Variants in WDR33 observed in about 807,000 individuals in gnomAD.
WDR33 encodes pre-mRNA 3' end processing protein WDR33.
Under a neutral mutation model 164.9 loss-of-function variants are expected in WDR33, and 47 were observed. That is an observed-to-expected ratio of 0.29 (90% CI 0.23 to 0.36). The LOEUF (loss-of-function observed/expected upper bound fraction) is 0.36. WDR33 is among the 10% of genes least tolerant of loss of function. The pLI is 1.00. For missense variants in WDR33, 1,137 were observed against 1,754.1 expected (o/e 0.65, Z 6.28); for synonymous variants, 505 against 589.0 (o/e 0.86, Z 2.06).
At chr2:127,767,646 C>T (rs943088104) in intron 4 of WDR33, among the ~76,000 whole-genome samples, 20 of 152,108 alleles carry the variant, frequency 1.3e-4, no homozygotes, top group Middle Eastern at 3.4e-3. Flanking sequence ...ACCCGGGGGG[C>T]GGAGCTTGCA....
At chr2:127,737,846 A>G in intron 7 of WDR33, 1 of 1,376,610 alleles carries the variant, frequency 7.3e-7, no homozygotes, top group African/African-American at 1.5e-5. Flanking sequence ...TAGAAACATA[A>G]AAGCAACAAA....
chr2:127,713,825 G>C lies in WDR33; in HGVS notation c.3066C>G (p.Asp1022Glu). Reference sequence around the variant, plus strand: ...CACGTAACCGGTGGCCAAAGCGCTTGTCAGGGTGGAAGTCATCTGGTCTGC... The same window carrying C: ...CACGTAACCGGTGGCCAAAGCGCTTCTCAGGGTGGAAGTCATCTGGTCTGC... Reference protein sequence around the residue: ...DFSRPDDFHPDKRFGHRLREF... With the variant: ...DFSRPDDFHPEKRFGHRLREF... Residue 1022 changes from aspartate to glutamate, a missense_variant, in exon 18 of 22, where the codon GAC becomes GAG. By Grantham distance (45) the Asp-to-Glu change is conservative. Around this residue, in one of 9 missense-constraint regions of WDR33, gnomAD observed 867 missense variants for 1,073.0 expected, o/e 0.81. Coordinates refer to ENST00000322313, the MANE Select transcript of WDR33 (RefSeq NM_018383.5). This position sits in a 1 kb window ranked among gnomAD's most constrained non-coding sequence, Gnocchi z 6.2. 6.2e-7 allele frequency: 1 copy of C among 1,614,252 alleles called. No homozygotes were observed. The highest frequency in any genetic ancestry group is 8.5e-7 in the Non-Finnish European group (1 of 1,180,038).
chr2:127,755,291 T>C (rs1210421800), intron 7 of WDR33, among the ~76,000 whole-genome samples: 2 of 152,192 alleles, frequency 1.3e-5, no homozygotes, highest in Non-Finnish European at 2.9e-5. Context: ...TACATTAATA[T>C]AAACTGTTAA....
rs777703786 is a variant in WDR33, at chr2:127,709,470, C to G, written c.3565+20G>C. 6.2e-7 allele frequency: 1 copy of G among 1,612,088 alleles called. No individual in the cohort carries two copies. Among genetic ancestry groups the G allele is most frequent in the African/African-American group, 1.3e-5 (1 of 74,880 alleles). ...TGAACTGCAGTCTAGAGTTACCCAA[C>G]AAGCGGTTCTTTTCCTTACCAGGCT... is the stretch of plus-strand genomic sequence containing the variant. On this transcript the variant is annotated intron_variant, in intron 20 of 21. Transcript: ENST00000322313. The surrounding 1 kb of genome is among the most constrained non-coding windows in gnomAD (Gnocchi z 5.0).
rs758490784 is a variant in WDR33, at chr2:127,709,812, G to T, written c.3353C>A (p.Pro1118His). Residue 1118 changes from proline to histidine, a missense_variant, in exon 19 of 22, where the codon CCC (proline) becomes CAC (histidine). Transcript: ENST00000322313. This position sits in a 1 kb window ranked among gnomAD's most constrained non-coding sequence, Gnocchi z 5.0. ...ACCAGGAAAACCATCCCTTCCTCTG[G>T]GGGGAGCACGGCCCTCATGCCTCGG... ...APPRHEGRAP[P>H]RGRDGFPGPE... 18 of 1,614,010 alleles carry T rather than the reference G, an allele frequency of 1.1e-5. No homozygotes were observed. Among genetic ancestry groups the T allele is most frequent in the Middle Eastern group, 1.6e-4 (1 of 6,084 alleles).
At position 127,719,103 on chromosome 2, in the gene WDR33, TATG is replaced by T. The variant is rs1218567176; in HGVS notation, c.2760+159_2760+161del. Among the ~76,000 whole-genome samples, 1 of 152,238 alleles carries T rather than the reference TATG, an allele frequency of 6.6e-6. No individual in the cohort carries two copies. The highest frequency in any genetic ancestry group is 1.9e-4 in the East Asian group (1 of 5,196). On this transcript the variant is annotated intron_variant, in intron 16 of 21. Transcript: ENST00000322313. The surrounding 1 kb of genome is among the most constrained non-coding windows in gnomAD (Gnocchi z 6.5). ...GGAGTATAACCTAACTCATCATTCT[TATG>T]ATTTCATTCTTCAGCCAGGATGCTA...
rs1286274391 is a variant in WDR33, at chr2:127,701,982, G to A, written c.*4341C>T. ...CCGGCCCGCGCTGCTCTACATGGCA[G>A]CGCTGGGCGCCACGCTGTTCGCCGC... On this transcript the variant is annotated 3_prime_UTR_variant, in exon 22 of 22. Coordinates refer to ENST00000322313, the MANE Select transcript of WDR33 (RefSeq NM_018383.5). 3 of 1,358,430 alleles carry A rather than the reference G, an allele frequency of 2.2e-6. No individual in the cohort carries two copies. Among genetic ancestry groups the A allele is most frequent in the Non-Finnish European group, 1.9e-6 (2 of 1,059,716 alleles). 84.1% of individuals were successfully genotyped at this position (1,358,430 alleles called of 1,614,324 possible).
At chr2:127,737,052 C>A (rs1686865894) in intron 7 of WDR33, 2 of 985,292 alleles carry the variant, frequency 2.0e-6, no homozygotes, top group Non-Finnish European at 2.4e-6. Flanking sequence ...GTTATAATAA[C>A]CAGAAAGAAG....
Position 127,717,695 on chromosome 2 carries a change from A to C in WDR33, c.2761-432T>G, listed in dbSNP as rs1485584841. Reference sequence around the variant, plus strand: ...TCTGAAATGCCCTACAAAGTATCAGATCTTCAGACTCATTCTACCAGTATT... The same window carrying C: ...TCTGAAATGCCCTACAAAGTATCAGCTCTTCAGACTCATTCTACCAGTATT... On this transcript the variant is annotated intron_variant, in intron 16 of 21. Transcript: ENST00000322313. The surrounding 1 kb of genome is among the most constrained non-coding windows in gnomAD (Gnocchi z 5.6). Among the ~76,000 whole-genome samples, 1 of 152,244 alleles carries C rather than the reference A, an allele frequency of 6.6e-6. No individual in the cohort carries two copies. The highest frequency in any genetic ancestry group is 1.5e-5 in the Non-Finnish European group (1 of 68,038).
chr2:127,767,248 A>AT (rs746035340), intron 4 of WDR33, among the ~76,000 whole-genome samples: 1 of 151,206 alleles, frequency 6.6e-6, no homozygotes, highest in Admixed American at 6.6e-5. Flanking sequence ...TCTCGGTCTC[A>AT]TTTTTTTTCA....
intron 4 of WDR33, among the ~76,000 whole-genome samples, chr2:127,766,351 T>C (rs866876973): frequency 5.9e-4 from 90 of 152,290 alleles, no homozygotes; most frequent in African/African-American, 2.0e-3. Flanking sequence ...ATTACACAAA[T>C]ATATATGACA....
chr2:127,724,070 CAAAT>C lies in WDR33; in HGVS notation c.1196+259_1196+262del, dbSNP rs139698649. ...GCCAGCCTGGACAGAGACCCTGTCTCAAATAAATAAATAAATAAATAAATAAAAG... is the reference window on the plus strand; with the variant it reads ...GCCAGCCTGGACAGAGACCCTGTCTCAAATAAATAAATAAATAAATAAAAG... On this transcript the variant is annotated intron_variant, in intron 11 of 21. Transcript: ENST00000322313. This position sits in a 1 kb window ranked among gnomAD's most constrained non-coding sequence, Gnocchi z 4.8. Among the ~76,000 whole-genome samples, 54,109 of 150,700 alleles carry C rather than the reference CAAAT, an allele frequency of 0.36. 10,951 individuals are homozygous for C. The highest frequency in any genetic ancestry group is 0.56 in the African/African-American group (22,740 of 40,840).
chr2:127,761,264 A>G (rs35595071), intron 7 of WDR33, among the ~76,000 whole-genome samples: 24,202 of 151,758 alleles, frequency 0.16, 2,105 homozygotes, highest in South Asian at 0.25. Flanking sequence ...GCAGTGGTGC[A>G]AACTCCGCTC....
Position 127,768,970 on chromosome 2 carries a change from A to G in WDR33, c.236T>C (p.Met79Thr), listed in dbSNP as rs757581086. 6.3e-7 allele frequency: 1 copy of G among 1,587,496 alleles called. No homozygotes were observed. Among genetic ancestry groups the G allele is most frequent in the African/African-American group, 1.4e-5 (1 of 73,872 alleles). Residue 79 changes from methionine (M) to threonine (T), a missense_variant, in exon 3 of 22, where the codon ATG becomes ACG. Transcript: ENST00000322313. Reference sequence around the variant, plus strand: ...ACCTGCATCAGGCTGAATTGCCCGCATATCTCTCTGGTCTCTTTGCCATAT... The same window carrying G: ...ACCTGCATCAGGCTGAATTGCCCGCGTATCTCTCTGGTCTCTTTGCCATAT... Reference protein sequence around the residue: ...NRIWQRDQRDMRAIQPDAGYY... With the variant: ...NRIWQRDQRDTRAIQPDAGYY...
At position 127,719,284 on chromosome 2, in the gene WDR33, G is replaced by A. The variant is rs1372259331; in HGVS notation, c.2741C>T (p.Pro914Leu). 1 of 1,444,176 alleles carries A rather than the reference G, an allele frequency of 6.9e-7. No homozygotes were observed. The highest frequency in any genetic ancestry group is 9.1e-7 in the Non-Finnish European group (1 of 1,097,280). 89.5% of individuals were successfully genotyped at this position (1,444,176 alleles called of 1,614,324 possible). A position where few individuals can be genotyped will look rare whatever the true frequency, so the allele number is the denominator to read the frequency against. Residue 914 changes from proline to leucine, a missense_variant, in exon 16 of 22, where the codon CCC becomes CTC. Pro to Leu is a moderately conservative substitution (Grantham distance 98). Coordinates refer to ENST00000322313, the MANE Select transcript of WDR33 (RefSeq NM_018383.5). This position sits in a 1 kb window ranked among gnomAD's most constrained non-coding sequence, Gnocchi z 6.5. ...QQKTPLLGDG[P>L]RAPFNQEGQS... Reference sequence around the variant, plus strand: ...TAATACCTGGTTGAAGGGGGCCCGGGGCCCATCACCTAGCAGAGGCGTTTT... The same window carrying A: ...TAATACCTGGTTGAAGGGGGCCCGGAGCCCATCACCTAGCAGAGGCGTTTT...
Position 127,720,220 on chromosome 2 carries a change from T to C in WDR33, c.1805A>G (p.Gln602Arg). Residue 602 changes from glutamine (Q) to arginine (R), a missense_variant, in exon 16 of 22, where the codon CAA becomes CGA. Coordinates refer to ENST00000322313, the MANE Select transcript of WDR33 (RefSeq NM_018383.5). This position sits in a 1 kb window ranked among gnomAD's most constrained non-coding sequence, Gnocchi z 5.9. ...CATCTGCTGAGATGGATGGGGCTGT[T>C]GAAAACCTTGAGGAATCTGAGACAT... Reference protein sequence around the residue: ...GPMSQIPQGFQQPHPSQQMPM... With the variant: ...GPMSQIPQGFRQPHPSQQMPM... 6.2e-7 allele frequency: 1 copy of C among 1,601,926 alleles called. No homozygotes were observed. The highest frequency in any genetic ancestry group is 1.1e-5 in the South Asian group (1 of 89,466).
intron 1 of WDR33, among the ~76,000 whole-genome samples, chr2:127,795,032 T>C (rs570556932): frequency 6.6e-6 from 1 of 150,848 alleles, no homozygotes; most frequent in Admixed American, 6.6e-5. Context: ...AACTGCATGC[T>C]ACTAATCTGT....
rs963181477 is a variant in WDR33, at chr2:127,724,045, G to A, written c.1196+288C>T. ...GTGAGCTGAGACCGCACCATTGCAC[G>A]CCAGCCTGGACAGAGACCCTGTCTC... On this transcript the variant is annotated intron_variant, in intron 11 of 21. Coordinates refer to ENST00000322313, the MANE Select transcript of WDR33 (RefSeq NM_018383.5). The surrounding 1 kb of genome is among the most constrained non-coding windows in gnomAD (Gnocchi z 4.8). Among the ~76,000 whole-genome samples, 1 of 151,212 alleles carries A rather than the reference G, an allele frequency of 6.6e-6. No homozygotes were observed.
chr2:127,709,592 A>AGAGCAAACAATGCT lies in WDR33; in HGVS notation c.3473-24_3473-11dup. 6.2e-7 allele frequency: 1 copy of AGAGCAAACAATGCT among 1,612,758 alleles called. No homozygotes were observed. Among genetic ancestry groups the AGAGCAAACAATGCT allele is most frequent in the Non-Finnish European group, 8.5e-7 (1 of 1,178,816 alleles). ...AAACCCTTCCTTCCTCCTACACAAC[A>AGAGCAAACAATGCT]GAGCAAACAATGCTGCACTCAGACT... On this transcript the variant is annotated splice_polypyrimidine_tract_variant and intron_variant, in intron 19 of 21. Coordinates refer to ENST00000322313, the MANE Select transcript of WDR33 (RefSeq NM_018383.5). This position sits in a 1 kb window ranked among gnomAD's most constrained non-coding sequence, Gnocchi z 5.0.
Sources: allele counts gnomAD v4.1 joint callset (sites outside exome capture counted in the v4.1 genomes callset), GRCh38; gene constraint gnomAD v4.1.1; regional missense constraint gnomAD v4.1.1; non-coding constraint Gnocchi (gnomAD v3.1); transcripts MANE v1.5; gene names NCBI Gene and HGNC (gene_info 2026-07-23, HGNC 2026-07-21).